NTRK2: variants seen among roughly 807,000 people sequenced by gnomAD.
The protein encoded by NTRK2 is neurotrophic receptor tyrosine kinase 2, also known as BDNF/NT-3 growth factors receptor.
A neutral mutation model predicts 94.5 loss-of-function variants in NTRK2; 13 were observed. The observed-to-expected ratio is 0.14, with a 90% CI of 0.09 to 0.22. NTRK2 has a LOEUF of 0.22. NTRK2 is among the 10% of genes least tolerant of loss of function. NTRK2 has a pLI of 1.00. For synonymous variants in NTRK2, 372 were observed against 407.4 expected (o/e 0.91, Z 1.05); for missense variants, 639 against 1,071.2 (o/e 0.60, Z 5.63).
At chr9:84,770,153 A>AACACAC (rs35363257) in intron 12 of NTRK2, among the ~76,000 whole-genome samples, 6,125 of 136,942 alleles carry the variant, frequency 0.045, 152 homozygotes, top group Middle Eastern at 0.08. Flanking sequence ...TGTGCATGAG[A>AACACAC]ACACACACAC....
intron 14 of NTRK2, among the ~76,000 whole-genome samples, chr9:84,880,567 C>T (rs1021222365): frequency 3.3e-5 from 5 of 152,268 alleles, no homozygotes; most frequent in East Asian, 1.9e-4. Flanking sequence ...TTTAGAGAGC[C>T]GTTTTAAAAA....
chr9:84,781,755 T>C (rs2067592130), intron 12 of NTRK2, among the ~76,000 whole-genome samples: 1 of 152,156 alleles, frequency 6.6e-6, no homozygotes, highest in Non-Finnish European at 1.5e-5. Flanking sequence ...CTTTAGTTTT[T>C]TAAGTCTATA....
intron 6 of NTRK2, among the ~76,000 whole-genome samples, chr9:84,721,557 G>A (rs1426336571): frequency 6.6e-6 from 1 of 152,170 alleles, no homozygotes; most frequent in Non-Finnish European, 1.5e-5. Flanking sequence ...TGTTGAATGT[G>A]GTGGGGGCCA....
intron 12 of NTRK2, chr9:84,811,838 T>G (rs1340625681): frequency 9.4e-6 from 10 of 1,065,134 alleles, no homozygotes; most frequent in Non-Finnish European, 1.1e-5. Context: ...AGCATCACAG[T>G]GACCTTTGTA....
At chr9:84,970,450 G>T (rs1288555256) in intron 17 of NTRK2, among the ~76,000 whole-genome samples, 2 of 152,066 alleles carry the variant, frequency 1.3e-5, no homozygotes, top group Non-Finnish European at 1.5e-5. Flanking sequence ...AAGAGATGTG[G>T]TAAGGATTAA....
chr9:85,013,605 A>G (rs1293460905), intron 17 of NTRK2, among the ~76,000 whole-genome samples: 3 of 152,152 alleles, frequency 2.0e-5, no homozygotes, highest in African/African-American at 4.8e-5. Flanking sequence ...TTTTACAGAT[A>G]TAACATGTAA....
intron 6 of NTRK2, among the ~76,000 whole-genome samples, chr9:84,717,714 T>A (rs1588137808): frequency 6.6e-6 from 1 of 152,352 alleles, no homozygotes; most frequent in Non-Finnish European, 1.5e-5. Flanking sequence ...AAGTACCCAA[T>A]AAATAATAGC....
chr9:84,695,068 A>C (rs1409657038), intron 2 of NTRK2, among the ~76,000 whole-genome samples: 1 of 142,828 alleles, frequency 7.0e-6, no homozygotes, highest in African/African-American at 2.6e-5. Context: ...AAAAAAAAAA[A>C]AAAAAACACA....
chr9:84,839,815 T>C (rs1365815334), intron 12 of NTRK2, among the ~76,000 whole-genome samples: 1 of 152,196 alleles, frequency 6.6e-6, no homozygotes, highest in Non-Finnish European at 1.5e-5. Flanking sequence ...TGCCAGCACA[T>C]CAAGTGTGTC....
intron 2 of NTRK2, among the ~76,000 whole-genome samples, chr9:84,694,170 A>G (rs1038787768): frequency 2.0e-5 from 3 of 152,184 alleles, no homozygotes; most frequent in African/African-American, 7.2e-5. Context: ...TCTGGGTTCA[A>G]ATCCTGTTTT....
intron 14 of NTRK2, chr9:84,877,008 C>A: frequency 1.9e-6 from 2 of 1,061,806 alleles, no homozygotes; most frequent in Non-Finnish European, 2.3e-6. Context: ...TGATACATAG[C>A]TATGCCATTG....
chr9:84,678,070 G>A (rs1463298285), intron 2 of NTRK2, among the ~76,000 whole-genome samples: 1 of 152,076 alleles, frequency 6.6e-6, no homozygotes, highest in East Asian at 1.9e-4. Flanking sequence ...CCATAATGTT[G>A]TATGTGTGTA....
At chr9:84,838,343 C>A (rs1295818252) in intron 12 of NTRK2, among the ~76,000 whole-genome samples, 2 of 151,940 alleles carry the variant, frequency 1.3e-5, no homozygotes, top group East Asian at 3.9e-4. Flanking sequence ...GCAGTAATAC[C>A]AGAATAATTA....
intron 17 of NTRK2, among the ~76,000 whole-genome samples, chr9:84,970,527 T>A (rs541968350): frequency 8.5e-5 from 13 of 152,228 alleles, no homozygotes; most frequent in Non-Finnish European, 1.8e-4. Context: ...ATTGTAACTA[T>A]CTGTGCATAC....
At chr9:84,926,190 C>CT (rs1199858575) in intron 14 of NTRK2, among the ~76,000 whole-genome samples, 3 of 127,184 alleles carry the variant, frequency 2.4e-5, no homozygotes, top group African/African-American at 9.1e-5. Context: ...TTCTTTCTTT[C>CT]TTTCTTTCTT....
intron 2 of NTRK2, among the ~76,000 whole-genome samples, chr9:84,677,845 C>T (rs2059155423): frequency 6.6e-6 from 1 of 152,178 alleles, no homozygotes; most frequent in Admixed American, 6.5e-5. Flanking sequence ...TGTTCAGCTC[C>T]TGAGCAGTCT....
intron 2 of NTRK2, among the ~76,000 whole-genome samples, chr9:84,689,052 A>G (rs1039291675): frequency 3.4e-4 from 52 of 152,258 alleles, no homozygotes; most frequent in African/African-American, 1.3e-3. Context: ...AAGTGAGCTG[A>G]TGCATGTAGA....
At chr9:84,798,109 C>G (rs1022336150) in intron 12 of NTRK2, among the ~76,000 whole-genome samples, 5 of 151,112 alleles carry the variant, frequency 3.3e-5, no homozygotes, top group African/African-American at 1.2e-4. Context: ...ATCAAGGCAC[C>G]AGCAGATTCA....
chr9:84,948,435 T>C (rs767640608), intron 15 of NTRK2, 27 bp from the exon 16 acceptor site: 3 of 1,612,498 alleles, frequency 1.9e-6, no homozygotes. Flanking sequence ...ACTGAAGTAA[T>C]CCTTCTCTTT....
Sources: gnomAD v4.1 joint callset for allele counts (sites outside exome capture counted in the v4.1 genomes callset) on GRCh38, gnomAD v4.1.1 for gene constraint, MANE v1.5 for transcripts, NCBI Gene and HGNC (gene_info 2026-07-23, HGNC 2026-07-21) for gene names.